SCLT1: variants seen among roughly 807,000 people sequenced by gnomAD.
SCLT1 encodes the protein sodium channel-associated protein 1.
In SCLT1, 78 loss-of-function variants were observed where a neutral mutation model predicts 112.8. The ratio of observed to expected loss-of-function variants is 0.69; its 90% CI spans 0.58 to 0.83. SCLT1 has a LOEUF of 0.83. Ranked by LOEUF, SCLT1 falls within the 40% of genes least tolerant of loss-of-function variation. SCLT1 has a pLI of 0.00. For missense variants in SCLT1, 747 were observed against 770.4 expected (o/e 0.97, Z 0.36); for synonymous variants, 257 against 254.7 (o/e 1.01, Z -0.09).
intron 14 of SCLT1, among the ~76,000 whole-genome samples, chr4:128,950,068 T>C (rs1333972091): frequency 6.6e-6 from 1 of 152,198 alleles, no homozygotes; most frequent in African/African-American, 2.4e-5. Flanking sequence ...TTAAATTTAA[T>C]ATCTTTTATT....
In SCLT1 at chr4:128,893,173, T is replaced by C. The variant is rs943610456; in HGVS notation, c.1830-2036A>G. Among the ~76,000 whole-genome samples the C allele has an allele frequency of 3.2e-5, 4 of 124,396 alleles. No homozygotes were observed. The South Asian group carries it at 1.0e-3, about 32-fold the overall frequency. 81.6% of individuals were successfully genotyped at this position (124,396 alleles called of 152,430 possible). A position where few individuals can be genotyped will look rare whatever the true frequency, so the allele number is the denominator to read the frequency against. Reference sequence around the variant, plus strand: ...AAAACCTTTTCAGGAAAACACCTACTGGTATAATTTCATGCCTAAACTATT... The same window carrying C: ...AAAACCTTTTCAGGAAAACACCTACCGGTATAATTTCATGCCTAAACTATT... On this transcript the variant is annotated intron_variant, in intron 18 of 20. Coordinates refer to ENST00000281142, the MANE Select transcript of SCLT1 (RefSeq NM_144643.4).
In SCLT1 at chr4:129,020,489, T is replaced by C. The variant is rs1215340228; in HGVS notation, c.291-16613A>G. Among the ~76,000 whole-genome samples, 3 of 152,170 alleles carry C rather than the reference T, an allele frequency of 2.0e-5. No homozygotes were observed. In the East Asian group the frequency reaches 5.8e-4, roughly 29 times the overall value. On this transcript the variant is annotated intron_variant, in intron 5 of 20. Coordinates refer to ENST00000281142, the MANE Select transcript of SCLT1 (RefSeq NM_144643.4). ...TATAAAGAGCTTTGACAAATACAAG[T>C]GATGGCAATTAGCTAAACCAACAAG...
chr4:128,948,086 A>C (rs1171803639), intron 15 of SCLT1, among the ~76,000 whole-genome samples: 1 of 152,092 alleles, frequency 6.6e-6, no homozygotes, highest in African/African-American at 2.4e-5. Context: ...AATATATTTA[A>C]GAAAAGTGTG....
chr4:128,873,281 G>GAAAAAAAAAAAAAAAAAGAAAAAAAA (rs1281020527), intron 5 of SCLT1: 2 of 105,628 alleles, frequency 1.9e-5, no homozygotes, highest in East Asian at 2.5e-4. Flanking sequence ...AAGAAAAAAA[G>GAAAAAAAAAAAAAAAAAGAAAAAAAA]AAAAAAAAAA....
chr4:128,933,812 TATA>T (rs1220963556), intron 18 of SCLT1, among the ~76,000 whole-genome samples: 6 of 152,092 alleles, frequency 3.9e-5, no homozygotes, highest in African/African-American at 1.4e-4. Flanking sequence ...TAAAGACTTT[TATA>T]ATAACTCAAC....
chr4:128,950,001 T>C (rs1738579721), intron 14 of SCLT1, among the ~76,000 whole-genome samples: 1 of 152,062 alleles, frequency 6.6e-6, no homozygotes, highest in African/African-American at 2.4e-5. Flanking sequence ...GACCCAAAAT[T>C]AATCACCATT....
At chr4:129,090,755 G>A (rs1752761136) in intron 1 of SCLT1, among the ~76,000 whole-genome samples, 1 of 152,132 alleles carries the variant, frequency 6.6e-6, no homozygotes, top group Non-Finnish European at 1.5e-5. Context: ...TCTTTGAACA[G>A]GTTCCTAAAA....
chr4:129,025,304 G>A (rs1260618293), intron 5 of SCLT1, among the ~76,000 whole-genome samples: 2 of 152,174 alleles, frequency 1.3e-5, no homozygotes, highest in Non-Finnish European at 1.5e-5. Flanking sequence ...AGAGAGAAAG[G>A]TCGGGTTACC....
intron 14 of SCLT1, among the ~76,000 whole-genome samples, chr4:128,951,327 C>T (rs1738714007): frequency 6.6e-6 from 1 of 151,926 alleles, no homozygotes; most frequent in South Asian, 2.1e-4. Flanking sequence ...TATAGTTCTC[C>T]CCATAGAATC....
At chr4:128,968,765 A>G (rs1372885731) in intron 10 of SCLT1, among the ~76,000 whole-genome samples, 2 of 152,156 alleles carry the variant, frequency 1.3e-5, no homozygotes, top group African/African-American at 4.8e-5. Context: ...TGAAATTTGA[A>G]ATCTGTTCCA....
At chr4:128,945,119 G>A (rs912172144) in intron 16 of SCLT1, among the ~76,000 whole-genome samples, 5 of 152,050 alleles carry the variant, frequency 3.3e-5, no homozygotes, top group Non-Finnish European at 7.4e-5. Context: ...AGAAGACTTC[G>A]ATATCTCCTT....
chr4:129,085,661 T>C (rs1339637189), intron 1 of SCLT1, among the ~76,000 whole-genome samples: 3 of 152,130 alleles, frequency 2.0e-5, no homozygotes, highest in African/African-American at 7.2e-5. Context: ...GGTACATGTA[T>C]ACCATGGAAT....
chr4:129,027,271 T>C (rs1219531043), intron 5 of SCLT1, among the ~76,000 whole-genome samples: 1 of 152,082 alleles, frequency 6.6e-6, no homozygotes, highest in Non-Finnish European at 1.5e-5. Flanking sequence ...TAGACCAATA[T>C]CCTTGATGAA....
chr4:129,004,841 A>G (rs1176693060), intron 5 of SCLT1, among the ~76,000 whole-genome samples: 1 of 151,560 alleles, frequency 6.6e-6, no homozygotes, highest in East Asian at 1.9e-4. Context: ...AAAATTAATT[A>G]CTCTGAAGAA....
At chr4:128,877,523 T>C (rs544375432) in intron 3 of SCLT1, among the ~76,000 whole-genome samples, 1 of 152,066 alleles carries the variant, frequency 6.6e-6, no homozygotes, top group Non-Finnish European at 1.5e-5. Flanking sequence ...CTACTAAAAC[T>C]ACAAAAAATT....
chr4:129,003,682 G>C (rs538104850), intron 6 of SCLT1, 59 bp downstream of exon 6: 384 of 1,281,386 alleles, frequency 3.0e-4, no homozygotes, highest in Non-Finnish European at 1.7e-4. Context: ...TGATTAACAT[G>C]AATTTTTAAA....
rs187683017 is a variant in SCLT1, at chr4:128,937,134, T to C, written c.1633-283A>G. 5.3e-3 allele frequency among the ~76,000 whole-genome samples: 812 copies of C among 151,946 alleles called. 7 individuals carry two copies. Among genetic ancestry groups the C allele is most frequent in the Non-Finnish European group, 8.6e-3 (585 of 67,924 alleles). On this transcript the variant is annotated intron_variant, in intron 17 of 20. Transcript: ENST00000281142. ...CTCTACTAAAAATACAAAAATTAGC[T>C]GGGCGTGATGGCACACGCCTGTAAT...
In SCLT1 at chr4:128,959,600, C is replaced by T. The variant is rs1319252239; in HGVS notation, c.1047G>A (p.Gln349=). 1 of 1,610,964 alleles carries T rather than the reference C, an allele frequency of 6.2e-7. No homozygotes were observed. Among genetic ancestry groups the T allele is most frequent in the Non-Finnish European group, 8.5e-7 (1 of 1,178,152 alleles). The change falls in exon 12 of 21, where the codon CAG becomes CAA. Residue 349 remains glutamine, a splice_region_variant and synonymous_variant. Coordinates refer to ENST00000281142, the MANE Select transcript of SCLT1 (RefSeq NM_144643.4). ...LLEEANLQKS[Q]ALLEEKQKEE... ...TAAACATATTTACTAGCTTTCTTAC[C>T]TGACTTTTTTGAAGGTTAGCTTCTT...
chr4:129,058,110 A>C (rs1470269655), intron 2 of SCLT1, among the ~76,000 whole-genome samples: 1 of 151,126 alleles, frequency 6.6e-6, no homozygotes, highest in Admixed American at 6.6e-5. Context: ...CTTTATTTGG[A>C]TCTTTTCACT....
Sources: gnomAD v4.1 joint callset for allele counts (sites outside exome capture counted in the v4.1 genomes callset) on GRCh38, gnomAD v4.1.1 for gene constraint, MANE v1.5 for transcripts, NCBI Gene and HGNC (gene_info 2026-07-23, HGNC 2026-07-21) for gene names.